The following NOP14 variants were observed in gnomAD, a reference collection of about 807,000 sequenced individuals.
The protein encoded by NOP14 is NOP14 nucleolar protein, also known as nucleolar protein 14.
NOP14 carries 57 observed loss-of-function variants against 101.6 expected under a neutral mutation model. The ratio of observed to expected loss-of-function variants is 0.56; its 90% CI spans 0.45 to 0.70. NOP14 has a LOEUF of 0.70. Among genes scored for constraint, NOP14 ranks in the 30% least tolerant of loss-of-function variants. NOP14 has a pLI of 0.00. For synonymous variants in NOP14, 428 were observed against 424.0 expected (o/e 1.01, Z -0.12); for missense variants, 1,134 against 1,075.5 (o/e 1.05, Z -0.76).
chr4:2,939,918 A>G (rs527767491), intron 15 of NOP14, among the ~76,000 whole-genome samples: 7 of 152,290 alleles, frequency 4.6e-5, no homozygotes, highest in African/African-American at 1.7e-4. Flanking sequence ...CTCTGAAAGG[A>G]GGGGACTTGG....
intron 5 of NOP14, 61 bp downstream of exon 5, chr4:2,953,450 G>A: frequency 6.3e-7 from 1 of 1,587,974 alleles, no homozygotes; most frequent in South Asian, 1.1e-5. Flanking sequence ...CCCTTTCTCT[G>A]GAGAAAGTCG....
In NOP14 at chr4:2,938,294, G is replaced by A. The variant is rs545391770; in HGVS notation, c.*537C>T. On this transcript the variant is annotated 3_prime_UTR_variant, in exon 18 of 18. Coordinates refer to ENST00000416614, the MANE Select transcript of NOP14 (RefSeq NM_001291978.2). ...ACCTATAATTGGGGGGCCAAGGCAG[G>A]TGGATTACCTGAGGTCGGGAATTCG... 5.4e-5 allele frequency: 61 copies of A among 1,120,520 alleles called. No homozygotes were observed. The East Asian group carries it at 3.2e-3, about 58-fold the overall frequency. The allele number at this position is 1,120,520 out of a possible 1,614,324, so 69.4% of individuals were successfully genotyped here.
intron 1 of NOP14, among the ~76,000 whole-genome samples, chr4:2,959,499 A>T (rs1577852799): frequency 6.6e-6 from 1 of 152,196 alleles, no homozygotes. Context: ...AGGCTGAGGC[A>T]GGAGAATGGC....
At chr4:2,942,584 G>A (rs1199754733) in intron 13 of NOP14, among the ~76,000 whole-genome samples, 1 of 152,196 alleles carries the variant, frequency 6.6e-6, no homozygotes, top group African/African-American at 2.4e-5. Flanking sequence ...TGCCTGAGAG[G>A]CCTGCTGGCC....
In NOP14 at chr4:2,938,504, C is replaced by CA. The variant is rs1232414056; in HGVS notation, c.*326dup. 3,832 of 294,350 alleles carry CA rather than the reference C, an allele frequency of 0.013. 2 individuals are homozygous for CA. Among genetic ancestry groups the CA allele is most frequent in the South Asian group, 0.021 (670 of 32,102 alleles). The allele number at this position is 294,350 out of a possible 1,614,324, so 18.2% of individuals were successfully genotyped here. A position where few individuals can be genotyped will look rare whatever the true frequency, so the allele number is the denominator to read the frequency against. On this transcript the variant is annotated 3_prime_UTR_variant, in exon 18 of 18. Coordinates refer to ENST00000416614, the MANE Select transcript of NOP14 (RefSeq NM_001291978.2). The stretch of plus-strand genomic sequence containing the variant: ...GGGCAACAAGAGCAAAACTCCGTCT[C>CA]AAAAAAAAAAATTTTTTTTTAAGCG...
intron 4 of NOP14, among the ~76,000 whole-genome samples, chr4:2,954,100 G>A (rs1252273287): frequency 6.6e-5 from 10 of 152,132 alleles, no homozygotes; most frequent in African/African-American, 2.2e-4. Context: ...GGGAGCTGAG[G>A]TGGGAGGATC....
intron 13 of NOP14, among the ~76,000 whole-genome samples, 196 bp from the exon 14 acceptor site, chr4:2,942,547 G>C (rs939781312): frequency 6.6e-6 from 1 of 152,214 alleles, no homozygotes; most frequent in Non-Finnish European, 1.5e-5. Flanking sequence ...TTGGCAGGGG[G>C]CGCGGTGAGA....
chr4:2,960,749 T>TAATTACATTAATATTAATATATTAA lies in NOP14; in HGVS notation c.195+2375_195+2376insTTAATATATTAATATTAATGTAATT, dbSNP rs1560310678. On this transcript the variant is annotated intron_variant, in intron 1 of 17. Transcript: ENST00000416614. ...TCACATTAATATTAATATATTAATA[T>TAATTACATTAATATTAATATATTAA]TATAATCACATTAATATTAATATAT... Among the ~76,000 whole-genome samples the TAATTACATTAATATTAATATATTAA allele has an allele frequency of 1.6e-3, 129 of 82,500 alleles. 2 individuals carry two copies. Among genetic ancestry groups the TAATTACATTAATATTAATATATTAA allele is most frequent in the Non-Finnish European group, 2.7e-3 (95 of 34,924 alleles). The allele number at this position is 82,500 out of a possible 152,430, so 54.1% of individuals were successfully genotyped here. A position where few individuals can be genotyped will look rare whatever the true frequency, so the allele number is the denominator to read the frequency against.
At position 2,941,652 on chromosome 4, in the gene NOP14, G is replaced by T; in HGVS notation, c.2129C>A (p.Ala710Asp). ...LMYGSLPSFH[A>D]IMGPLQALLT... Reference sequence around the variant, plus strand: ...GAGGGCTTGGAGAGGCCCCATGATGGCGTGGAAGGATGGCAGGGACCCGTA... The same window carrying T: ...GAGGGCTTGGAGAGGCCCCATGATGTCGTGGAAGGATGGCAGGGACCCGTA... The change falls in exon 15 of 18, where the codon GCC (alanine) becomes GAC (aspartate). Residue 710 changes from alanine (A) to aspartate (D), a missense_variant. Coordinates refer to ENST00000416614, the MANE Select transcript of NOP14 (RefSeq NM_001291978.2). 1 of 1,613,540 alleles carries T rather than the reference G, an allele frequency of 6.2e-7. No homozygotes were observed.
At chr4:2,959,779 C>T (rs923256472) in intron 1 of NOP14, among the ~76,000 whole-genome samples, 3 of 152,176 alleles carry the variant, frequency 2.0e-5, no homozygotes, top group Non-Finnish European at 4.4e-5. Flanking sequence ...GAACCACACA[C>T]AGTACTGAAT....
At chr4:2,952,165 A>G in intron 6 of NOP14, 110 bp downstream of exon 6, 1 of 1,135,856 alleles carries the variant, frequency 8.8e-7, no homozygotes, top group Non-Finnish European at 1.2e-6. Flanking sequence ...AGACTAAAAT[A>G]TTCCACTGAT....
intron 1 of NOP14, among the ~76,000 whole-genome samples, chr4:2,962,189 T>C (rs959585001): frequency 6.6e-6 from 1 of 152,232 alleles, no homozygotes; most frequent in Non-Finnish European, 1.5e-5. Flanking sequence ...GGATGTATAC[T>C]ATCATCTCTA....
In NOP14 at chr4:2,938,064, G is replaced by A. The variant is rs968751419; in HGVS notation, c.*767C>T. 2.7e-5 allele frequency: 15 copies of A among 560,714 alleles called. No homozygotes were observed. The highest frequency in any genetic ancestry group is 2.6e-4 in the African/African-American group (13 of 49,724). The allele number at this position is 560,714 out of a possible 1,614,324, so 34.7% of individuals were successfully genotyped here. A position where few individuals can be genotyped will look rare whatever the true frequency, so the allele number is the denominator to read the frequency against. ...TCCCCATGAGGCTTGTCCAGACGCA[G>A]TGAACCAGTCGCAGCTGATAACACA... On this transcript the variant is annotated 3_prime_UTR_variant, in exon 18 of 18. Coordinates refer to ENST00000416614, the MANE Select transcript of NOP14 (RefSeq NM_001291978.2).
At position 2,951,170 on chromosome 4, in the gene NOP14, C is replaced by A. The variant is rs747502329; in HGVS notation, c.946G>T (p.Asp316Tyr). Reference protein sequence around the residue: ...VKKPKHMSADDLNDGFVLDKD... With the variant: ...VKKPKHMSADYLNDGFVLDKD... ...TCTAGCACGAAGCCATCATTCAGAT[C>A]ATCTGCTGACATATGTTTTGGTTTC... The change falls in exon 7 of 18, where the codon GAT becomes TAT. Residue 316 changes from aspartate (D) to tyrosine (Y), a missense_variant. Transcript: ENST00000416614. The A allele has an allele frequency of 5.6e-6, 9 of 1,613,704 alleles. No homozygotes were observed. The highest frequency in any genetic ancestry group is 7.6e-6 in the Non-Finnish European group (9 of 1,179,666).
Position 2,939,616 on chromosome 4 carries a change from C to T in NOP14, c.2229G>A (p.Met743Ile). The T allele has an allele frequency of 6.2e-7, 1 of 1,613,894 alleles. No homozygotes were observed. Among genetic ancestry groups the T allele is most frequent in the Non-Finnish European group, 8.5e-7 (1 of 1,180,028 alleles). ...GCCGGCAGAGCTGCTTCTGGCTTTC[C>T]ATTTCGGTCAGTGTGCTCTGACACA... is the stretch of plus-strand genomic sequence containing the variant. ...QELCQSTLTE[M>I]ESQKQLCRPL... The change falls in exon 16 of 18, where the codon ATG (methionine) becomes ATA (isoleucine). Residue 743 changes from methionine (M) to isoleucine (I), a missense_variant. Coordinates refer to ENST00000416614, the MANE Select transcript of NOP14 (RefSeq NM_001291978.2).
Position 2,952,370 on chromosome 4 carries a change from C to T in NOP14, c.775G>A (p.Glu259Lys), listed in dbSNP as rs538900337. Reference sequence around the variant, plus strand: ...TGCGCCTTCATTTCAAAGCCAAGCTCGCGAACCATCATGTCATATGCATCG... The same window carrying T: ...TGCGCCTTCATTTCAAAGCCAAGCTTGCGAACCATCATGTCATATGCATCG... ...KPDAYDMMVR[E>K]LGFEMKAQPS... The change falls in exon 6 of 18, where the codon GAG becomes AAG. Residue 259 changes from glutamate to lysine, a missense_variant. By Grantham distance (56) the Glu-to-Lys change is moderately conservative. Transcript: ENST00000416614. 5 of 1,612,886 alleles carry T rather than the reference C, an allele frequency of 3.1e-6. No homozygotes were observed. The Admixed American group carries it at 5.0e-5, about 16-fold the overall frequency.
chr4:2,961,083 T>C (rs1317354891), intron 1 of NOP14, among the ~76,000 whole-genome samples: 2 of 110,010 alleles, frequency 1.8e-5, no homozygotes, highest in Non-Finnish European at 3.2e-5. Flanking sequence ...ACTATATTAA[T>C]ATTATAATAA....
In NOP14 at chr4:2,947,543, G is replaced by C. The variant is rs1429041479; in HGVS notation, c.1482C>G (p.Val494=). 6.2e-7 allele frequency: 1 copy of C among 1,613,246 alleles called. No homozygotes were observed. The highest frequency in any genetic ancestry group is 1.1e-5 in the South Asian group (1 of 91,060). The change falls in exon 10 of 18, where the codon GTC becomes GTG. Residue 494 remains valine (V), a synonymous_variant. Transcript: ENST00000416614. ...LATDDPPDLT[V]IDKLVVHLYH... ...TTACTTACACAACCAACTTATCAAT[G>C]ACTGTGAGGTCTGGTGGGTCATCTG...
In NOP14 at chr4:2,942,398, G is replaced by A. The variant is rs750188434; in HGVS notation, c.1892-47C>T. 3.2e-6 allele frequency: 5 copies of A among 1,577,530 alleles called. No individual in the cohort carries two copies. The Admixed American group carries it at 8.5e-5, about 27-fold the overall frequency. Reference sequence around the variant, plus strand: ...ACAGAGATGGCCTGAACATTACTGGGCTCCCAGCAGGCTCTGCGGCACCGA... The same window carrying A: ...ACAGAGATGGCCTGAACATTACTGGACTCCCAGCAGGCTCTGCGGCACCGA... On this transcript the variant is annotated intron_variant, in intron 13 of 17. Coordinates refer to ENST00000416614, the MANE Select transcript of NOP14 (RefSeq NM_001291978.2).
Sources: gnomAD v4.1 joint callset for allele counts (sites outside exome capture counted in the v4.1 genomes callset) on GRCh38, gnomAD v4.1.1 for gene constraint, MANE v1.5 for transcripts, NCBI Gene and HGNC (gene_info 2026-07-23, HGNC 2026-07-21) for gene names.